NUDT4: variants seen among roughly 807,000 people sequenced by gnomAD.
NUDT4 encodes the protein nudix hydrolase 4, also known as diphosphoinositol polyphosphate phosphohydrolase 2.
NUDT4 carries 5 observed loss-of-function variants against 23.1 expected under a neutral mutation model. That is an observed-to-expected ratio of 0.22 (90% CI 0.11 to 0.46). NUDT4 has a LOEUF of 0.46. Among genes scored for constraint, NUDT4 ranks in the 20% least tolerant of loss-of-function variants. The pLI, the probability that NUDT4 is intolerant of heterozygous loss-of-function variation, is 0.99. For synonymous variants in NUDT4, 50 were observed against 79.0 expected, an observed-to-expected ratio of 0.63 and a Z score of 1.95; for missense variants, 96 against 211.6, an observed-to-expected ratio of 0.45 and a Z score of 3.39.
intron 1 of NUDT4, chr12:93,378,789 G>C: frequency 9.9e-7 from 1 of 1,008,626 alleles, no homozygotes; most frequent in Non-Finnish European, 1.2e-6. Context: ...GGTGGAAATG[G>C]CGTGAGTGTT....
intron 1 of NUDT4, among the ~76,000 whole-genome samples, chr12:93,382,044 G>A (rs1481246328): frequency 6.6e-6 from 1 of 152,146 alleles, no homozygotes; most frequent in Non-Finnish European, 1.5e-5. Flanking sequence ...ATCACCTGAA[G>A]TCAAGTGTTT....
chr12:93,399,188 G>C lies in NUDT4; in HGVS notation c.352G>C (p.Glu118Gln). 6.2e-7 allele frequency: 1 copy of C among 1,606,646 alleles called. No homozygotes were observed. Among genetic ancestry groups the C allele is most frequent in the Non-Finnish European group, 8.5e-7 (1 of 1,173,274 alleles). ...EDSVNIGRKREWFKVEDAIKV... is the reference protein window; with the variant it reads ...EDSVNIGRKRQWFKVEDAIKV... ...ATTCTTTTCTCTAGGAAGGAAGAGA[G>C]AGTGGTTCAAAGTAGAAGATGCTAT... Residue 118 changes from glutamate to glutamine, a missense_variant, in exon 5 of 5, where the codon GAG becomes CAG. Transcript: ENST00000415493.
rs1286410791 is a variant in NUDT4 at position 93,394,611 on chromosome 12, G to A, written c.102G>A (p.Val34=). The A allele has an allele frequency of 1.3e-6, 2 of 1,542,550 alleles. No homozygotes were observed. The stretch of plus-strand genomic sequence containing the variant: ...TACAGTTATGGTTCACCTTACAGGT[G>A]CTGCTGGTGAGTAGCAGCCGGTACC... ...LCFRSEQEDE[V]LLVSSSRYPD... Residue 34 remains valine, a splice_region_variant and synonymous_variant, in exon 2 of 5, where the codon GTG becomes GTA. Coordinates refer to ENST00000415493, the MANE Select transcript of NUDT4 (RefSeq NM_019094.6).
At chr12:93,386,151 G>GT (rs1321487817) in intron 1 of NUDT4, among the ~76,000 whole-genome samples, 2 of 151,478 alleles carry the variant, frequency 1.3e-5, no homozygotes, top group East Asian at 2.0e-4. Flanking sequence ...AATTTATTGA[G>GT]TTTTTTGTAG....
chr12:93,386,938 T>A (rs77112552), intron 1 of NUDT4, among the ~76,000 whole-genome samples: 1 of 146,494 alleles, frequency 6.8e-6, no homozygotes, highest in African/African-American at 2.4e-5. Flanking sequence ...GATTTTTTTT[T>A]ATTATTATTA....
intron 1 of NUDT4, among the ~76,000 whole-genome samples, chr12:93,379,060 AG>A (rs1265302470): frequency 2.0e-5 from 3 of 152,224 alleles, no homozygotes; most frequent in Non-Finnish European, 4.4e-5. Flanking sequence ...TAATGCCAAA[AG>A]GGAGACGATG....
chr12:93,403,900 AC>A lies in NUDT4; in HGVS notation c.*4523del, dbSNP rs1016205328. ...TAGCAAGCAAGACATTATAGCAAAGACCTAAACACTCAAAGGTTCAACGTCT... is the reference window on the plus strand; with the variant it reads ...TAGCAAGCAAGACATTATAGCAAAGACTAAACACTCAAAGGTTCAACGTCT... On this transcript the variant is annotated 3_prime_UTR_variant, in exon 5 of 5. Transcript: ENST00000415493. 1.3e-5 allele frequency: 2 copies of A among 152,222 alleles called. No homozygotes were observed. The highest frequency in any genetic ancestry group is 2.9e-5 in the Non-Finnish European group (2 of 68,046). The allele number at this position is 152,222 out of a possible 1,614,324, so 9.4% of individuals were successfully genotyped here.
At position 93,402,108 on chromosome 12, in the gene NUDT4, G is replaced by A. The variant is rs1877490590; in HGVS notation, c.*2729G>A. 1 of 150,360 alleles carries A rather than the reference G, an allele frequency of 6.7e-6. No homozygotes were observed. The highest frequency in any genetic ancestry group is 6.7e-5 in the Admixed American group (1 of 15,032). 9.3% of individuals were successfully genotyped at this position (150,360 alleles called of 1,614,324 possible). A position where few individuals can be genotyped will look rare whatever the true frequency, so the allele number is the denominator to read the frequency against. On this transcript the variant is annotated 3_prime_UTR_variant, in exon 5 of 5. Transcript: ENST00000415493. The stretch of plus-strand genomic sequence containing the variant: ...GATGACATTTTCTGACCAGGCACAT[G>A]CCATCCAATTTTCTGTCAATCACAC...
In NUDT4 at chr12:93,403,629, T is replaced by G. The variant is rs909093316; in HGVS notation, c.*4250T>G. 6.6e-6 allele frequency: 1 copy of G among 152,162 alleles called. No individual in the cohort carries two copies. Among genetic ancestry groups the G allele is most frequent in the Non-Finnish European group, 1.5e-5 (1 of 68,040 alleles). The allele number at this position is 152,162 out of a possible 1,614,324, so 9.4% of individuals were successfully genotyped here. A position where few individuals can be genotyped will look rare whatever the true frequency, so the allele number is the denominator to read the frequency against. On this transcript the variant is annotated 3_prime_UTR_variant, in exon 5 of 5. Coordinates refer to ENST00000415493, the MANE Select transcript of NUDT4 (RefSeq NM_019094.6). ...CCACCGCACCTGGCCTATCTTGGTG[T>G]TTTTACATCCTTCAGTATTTTTCAA...
chr12:93,399,091 A>G, intron 4 of NUDT4, 86 bp from the exon 5 acceptor site: 1 of 944,624 alleles, frequency 1.1e-6, no homozygotes, highest in Non-Finnish European at 1.7e-6. Context: ...TGTCTAAGTC[A>G]TTTATCGGGG....
rs1877622552 is a variant in NUDT4 at position 93,403,560 on chromosome 12, C to G, written c.*4181C>G. On this transcript the variant is annotated 3_prime_UTR_variant, in exon 5 of 5. Coordinates refer to ENST00000415493, the MANE Select transcript of NUDT4 (RefSeq NM_019094.6). ...GGTCTCAAACTCCTGACCTCGTGAT[C>G]CGCCTGCCTCGGCCTCCCTAAGTGC... 1 of 152,192 alleles carries G rather than the reference C, an allele frequency of 6.6e-6. No individual in the cohort carries two copies. The highest frequency in any genetic ancestry group is 2.1e-4 in the South Asian group (1 of 4,820). The allele number at this position is 152,192 out of a possible 1,614,324, so 9.4% of individuals were successfully genotyped here.
chr12:93,394,679 A>G lies in NUDT4; in HGVS notation c.170A>G (p.Glu57Gly). 1 of 1,555,738 alleles carries G rather than the reference A, an allele frequency of 6.4e-7. No homozygotes were observed. The highest frequency in any genetic ancestry group is 8.7e-7 in the Non-Finnish European group (1 of 1,149,078). ...CCAGGAGGAGGAATGGAACCCGAGG[A>G]GGAACCTGGCGGTGCTGCCGTGAGG... ...IVPGGGMEPE[E>G]EPGGAAVREV... Residue 57 changes from glutamate to glycine, a missense_variant, in exon 2 of 5, where the codon GAG becomes GGG. Coordinates refer to ENST00000415493, the MANE Select transcript of NUDT4 (RefSeq NM_019094.6).
In NUDT4 at chr12:93,404,718, C is replaced by T. The variant is rs1183846284; in HGVS notation, c.*5339C>T. The T allele has an allele frequency of 6.6e-6, 1 of 152,110 alleles. No homozygotes were observed. The highest frequency in any genetic ancestry group is 2.4e-5 in the African/African-American group (1 of 41,428). 9.4% of individuals were successfully genotyped at this position (152,110 alleles called of 1,614,324 possible). On this transcript the variant is annotated 3_prime_UTR_variant, in exon 5 of 5. Transcript: ENST00000415493. ...TGTTTTATGCATGTATTGGCATACA[C>T]TGAAAAAGCTTAGTCACTTAAAATG...
chr12:93,383,134 G>A (rs2120866614), intron 1 of NUDT4, among the ~76,000 whole-genome samples: 1 of 150,408 alleles, frequency 6.6e-6, no homozygotes, highest in African/African-American at 2.4e-5. Flanking sequence ...TTGAAAAAAA[G>A]CTTATACCCC....
chr12:93,379,213 T>C (rs1333077278), intron 1 of NUDT4, among the ~76,000 whole-genome samples: 1 of 152,216 alleles, frequency 6.6e-6, no homozygotes, highest in African/African-American at 2.4e-5. Context: ...TTGGATAATT[T>C]ACCCATCTGC....
chr12:93,388,644 C>T (rs1876272748), intron 1 of NUDT4, among the ~76,000 whole-genome samples: 1 of 152,198 alleles, frequency 6.6e-6, no homozygotes, highest in Non-Finnish European at 1.5e-5. Context: ...TTCTTTCCTG[C>T]TAGCCCATTT....
rs773014996 is a variant in NUDT4 at position 93,398,844 on chromosome 12, C to T, written c.329C>T (p.Ser110Phe). 6.4e-7 allele frequency: 1 copy of T among 1,567,088 alleles called. No individual in the cohort carries two copies. The highest frequency in any genetic ancestry group is 1.7e-5 in the Admixed American group (1 of 59,778). Reference protein sequence around the residue: ...VTEILEDWEDSVNIGRKREWF... With the variant: ...VTEILEDWEDFVNIGRKREWF... ...GAAATATTAGAAGATTGGGAAGATT[C>T]TGTTAATATTGGTAAGTTCCCTTTT... The change falls in exon 4 of 5, where the codon TCT (serine) becomes TTT (phenylalanine). Residue 110 changes from serine (S) to phenylalanine (F), a missense_variant. Physicochemically the swap from Ser to Phe is radical, Grantham distance 155. Transcript: ENST00000415493.
At chr12:93,378,480 CT>C in intron 1 of NUDT4, 59 bp downstream of exon 1, 8 of 1,440,742 alleles carry the variant, frequency 5.6e-6, no homozygotes, top group Non-Finnish European at 6.5e-6. Flanking sequence ...GGCCCGGGTG[CT>C]TCCCCTCGCT....
chr12:93,390,780 A>G (rs1592721285), intron 1 of NUDT4, among the ~76,000 whole-genome samples: 1 of 151,958 alleles, frequency 6.6e-6, no homozygotes, highest in South Asian at 2.1e-4. Context: ...TGATTTCTGT[A>G]TTTTTTTGTA....
Sources: gnomAD v4.1 joint callset for allele counts (sites outside exome capture counted in the v4.1 genomes callset) on GRCh38, gnomAD v4.1.1 for gene constraint, MANE v1.5 for transcripts, NCBI Gene and HGNC (gene_info 2026-07-23, HGNC 2026-07-21) for gene names.